SMARCA4: variants seen among roughly 807,000 people sequenced by gnomAD.
SMARCA4 encodes the protein SWI/SNF related BAF chromatin remodeling complex subunit ATPase 4.
A neutral mutation model predicts 193.9 loss-of-function variants in SMARCA4; 31 were observed. The observed-to-expected ratio is 0.16, with a 90% CI of 0.12 to 0.22. SMARCA4 has a LOEUF of 0.22. SMARCA4 is among the 10% of genes least tolerant of loss of function. SMARCA4 has a pLI of 1.00. For missense variants in SMARCA4, 1,148 were observed against 2,296.0 expected, an observed-to-expected ratio of 0.50 and a Z score of 10.22; for synonymous variants, 942 against 933.1, an observed-to-expected ratio of 1.01 and a Z score of -0.17.
chr19:11,022,063 T>A, intron 19 of SMARCA4, 96 bp downstream of exon 19: 1 of 1,559,894 alleles, frequency 6.4e-7, no homozygotes, highest in Non-Finnish European at 8.8e-7. Context: ...TGGCTGGGCC[T>A]GTGCTGGGTG....
Position 11,058,492 on chromosome 19 carries a change from C to T in SMARCA4, c.4533+129C>T. The T allele has an allele frequency of 1.3e-6, 1 of 752,746 alleles. No homozygotes were observed. Among genetic ancestry groups the T allele is most frequent in the Non-Finnish European group, 2.3e-6 (1 of 429,122 alleles). 46.6% of individuals were successfully genotyped at this position (752,746 alleles called of 1,614,324 possible). A position where few individuals can be genotyped will look rare whatever the true frequency, so the allele number is the denominator to read the frequency against. ...ACCACCTAGGCGGTGCCTTGGGCTA[C>T]CTGGTTAGGGACCTGGTCGTGGGCT... On this transcript the variant is annotated intron_variant, in intron 31 of 34. Coordinates refer to ENST00000344626, the MANE Select transcript of SMARCA4 (RefSeq NM_003072.5). This position sits in a 1 kb window ranked among gnomAD's most constrained non-coding sequence, Gnocchi z 5.8.
intron 19 of SMARCA4, among the ~76,000 whole-genome samples, chr19:11,022,383 C>T (rs537637273): frequency 3.9e-5 from 6 of 152,292 alleles, no homozygotes; most frequent in African/African-American, 9.6e-5. Flanking sequence ...TTAGCGGGGC[C>T]ACATGGTCAG....
Position 11,023,140 on chromosome 19 carries a change from G to T in SMARCA4, c.2860-378G>T, listed in dbSNP as rs2146445510. 1.3e-5 allele frequency among the ~76,000 whole-genome samples: 2 copies of T among 152,286 alleles called. 1 individual carries two copies. Among genetic ancestry groups the T allele is most frequent in the South Asian group, 4.1e-4 (2 of 4,826 alleles). On this transcript the variant is annotated intron_variant, in intron 19 of 34. Coordinates refer to ENST00000344626, the MANE Select transcript of SMARCA4 (RefSeq NM_003072.5). ...GCTATAAGCCCCATGTGGTCAGCCTGGCCCCTGCAGCGCTCCTGGCATGAG... is the reference window on the plus strand; with the variant it reads ...GCTATAAGCCCCATGTGGTCAGCCTTGCCCCTGCAGCGCTCCTGGCATGAG...
At chr19:10,988,051 C>T (rs1180206557) in intron 6 of SMARCA4, 127 bp downstream of exon 6, 17 of 914,416 alleles carry the variant, frequency 1.9e-5, no homozygotes, top group Non-Finnish European at 2.6e-5. Context: ...ACTTGGCCTA[C>T]ACCTCCTTCC....
In SMARCA4 at chr19:11,019,003, G is replaced by C. The variant is rs1338927115; in HGVS notation, c.2485G>C (p.Val829Leu). Residue 829 changes from valine (V) to leucine (L), a missense_variant, in exon 17 of 35, where the codon GTG (valine) becomes CTG (leucine). This residue lies in a region of SMARCA4 where 54 missense variants were observed against 123.3 expected (regional missense o/e 0.44). Coordinates refer to ENST00000344626, the MANE Select transcript of SMARCA4 (RefSeq NM_003072.5). The surrounding 1 kb of genome is among the most constrained non-coding windows in gnomAD (Gnocchi z 6.1). ...AYEFDKWAPS[V>L]VKVSYKGSPA... ...CGAGTTTGACAAGTGGGCCCCCTCC[G>C]TGGTGAAGGTGTCTTACAAGGTAGG... 1.2e-6 allele frequency: 2 copies of C among 1,613,934 alleles called. No individual in the cohort carries two copies. The highest frequency in any genetic ancestry group is 1.7e-6 in the Non-Finnish European group (2 of 1,179,864).
chr19:10,998,298 C>T (rs903201786), intron 11 of SMARCA4, among the ~76,000 whole-genome samples: 6 of 152,176 alleles, frequency 3.9e-5, no homozygotes, highest in African/African-American at 1.4e-4. Flanking sequence ...CCCTGAGTCC[C>T]TCTCAGGGTG....
At chr19:10,970,168 G>A (rs1481578944) in intron 1 of SMARCA4, among the ~76,000 whole-genome samples, 1 of 152,142 alleles carries the variant, frequency 6.6e-6, no homozygotes, top group African/African-American at 2.4e-5. Flanking sequence ...AAGACCAAGT[G>A]CTTAGAGGGT....
rs1057523990 is a variant in SMARCA4, at chr19:11,059,781, C to G, written c.4664C>G (p.Ser1555Trp). ...TATGAAGACTCCATCGTCTTGCAGT[C>G]GGTCTTCACCAGCGTGCGGCAGAAA... is the stretch of plus-strand genomic sequence containing the variant. ...LIYEDSIVLQ[S>W]VFTSVRQKIE... Residue 1555 changes from serine (S) to tryptophan (W), a missense_variant, in exon 33 of 35, where the codon TCG (serine) becomes TGG (tryptophan). By Grantham distance (177) the Ser-to-Trp change is radical. This residue lies in a region of SMARCA4 where 105 missense variants were observed against 133.7 expected (regional missense o/e 0.79). Transcript: ENST00000344626. The G allele has an allele frequency of 6.3e-7, 1 of 1,596,736 alleles. No individual in the cohort carries two copies. Among genetic ancestry groups the G allele is most frequent in the Non-Finnish European group, 8.5e-7 (1 of 1,171,978 alleles).
rs73925104 is a variant in SMARCA4 at position 11,038,044 on chromosome 19, G to T, written c.4170+2912G>T. 3.3e-3 allele frequency among the ~76,000 whole-genome samples: 507 copies of T among 152,340 alleles called. 6 individuals are homozygous for T. Among genetic ancestry groups the T allele is most frequent in the African/African-American group, 0.011 (470 of 41,578 alleles). On this transcript the variant is annotated intron_variant, in intron 29 of 34. Transcript: ENST00000344626. ...CAAGTGAACTCAAAGCCTTCAAAATGCTCCTATGGCCGCCATCGGACATGG... is the reference window on the plus strand; with the variant it reads ...CAAGTGAACTCAAAGCCTTCAAAATTCTCCTATGGCCGCCATCGGACATGG...
intron 1 of SMARCA4, among the ~76,000 whole-genome samples, chr19:10,981,153 C>T (rs573759495): frequency 6.6e-6 from 1 of 152,358 alleles, no homozygotes; most frequent in Admixed American, 6.5e-5. Context: ...GGCAGTCCTG[C>T]TGTCCCTTTT....
intron 7 of SMARCA4, among the ~76,000 whole-genome samples, chr19:10,990,391 A>C (rs1454645398): frequency 6.8e-6 from 1 of 147,686 alleles, no homozygotes; most frequent in African/African-American, 2.5e-5. Flanking sequence ...TGATTCTCCC[A>C]CCTCAGCCTC....
In SMARCA4 at chr19:10,984,539, G is replaced by C. The variant is rs1360316903; in HGVS notation, c.222+166G>C. On this transcript the variant is annotated intron_variant, in intron 2 of 34. Transcript: ENST00000344626. The surrounding 1 kb of genome is among the most constrained non-coding windows in gnomAD (Gnocchi z 4.3). Reference sequence around the variant, plus strand: ...CCAGGGCCCACGGCCATGAACAGAAGGTTCAGCTCGTCAGACCCCAGCCTG... The same window carrying C: ...CCAGGGCCCACGGCCATGAACAGAACGTTCAGCTCGTCAGACCCCAGCCTG... Among the ~76,000 whole-genome samples the C allele has an allele frequency of 6.6e-6, 1 of 152,250 alleles. No individual in the cohort carries two copies. The highest frequency in any genetic ancestry group is 2.4e-5 in the African/African-American group (1 of 41,482).
rs960893176 is a variant in SMARCA4 at position 10,996,496 on chromosome 19, G to A, written c.1764G>A (p.Lys588=). The A allele has an allele frequency of 1.2e-6, 2 of 1,614,260 alleles. No homozygotes were observed. ...KEKKKKKKKK[K]AENAEGQTPA... is the part of the protein sequence containing the mutation. The stretch of plus-strand genomic sequence containing the variant: ...ACCGTGTCTCTCTCTATTTCCAGAA[G>A]GCAGAAAATGCAGAAGGACAGACGC... Residue 588 remains lysine (K), a splice_region_variant and synonymous_variant, in exon 11 of 35, where the codon AAG becomes AAA. Coordinates refer to ENST00000344626, the MANE Select transcript of SMARCA4 (RefSeq NM_003072.5).
chr19:10,968,266 G>A (rs2084393756), intron 1 of SMARCA4, among the ~76,000 whole-genome samples: 1 of 152,184 alleles, frequency 6.6e-6, no homozygotes, highest in South Asian at 2.1e-4. Context: ...GAGATTACAG[G>A]CATGAGCCAC....
At chr19:11,045,192 C>T (rs1258981213) in intron 30 of SMARCA4, among the ~76,000 whole-genome samples, 4 of 152,044 alleles carry the variant, frequency 2.6e-5, no homozygotes, top group Admixed American at 6.5e-5. Flanking sequence ...TGGTGGTGGG[C>T]GCCTGTAGTC....
At chr19:10,997,661 G>T (rs1384395054) in intron 11 of SMARCA4, among the ~76,000 whole-genome samples, 4 of 151,946 alleles carry the variant, frequency 2.6e-5, no homozygotes, top group African/African-American at 4.8e-5. Flanking sequence ...AGAGACGGGG[G>T]TTCCATATGT....
chr19:10,968,715 G>A (rs994343034), intron 1 of SMARCA4, among the ~76,000 whole-genome samples: 2 of 152,192 alleles, frequency 1.3e-5, no homozygotes, highest in African/African-American at 4.8e-5. Context: ...GAAGCAGGTG[G>A]CTGATGTGAC....
At chr19:11,049,401 A>G (rs893469948) in intron 30 of SMARCA4, among the ~76,000 whole-genome samples, 2 of 152,000 alleles carry the variant, frequency 1.3e-5, no homozygotes, top group Non-Finnish European at 2.9e-5. Context: ...CAGAACATGC[A>G]GAAACGTTCT....
intron 13 of SMARCA4, among the ~76,000 whole-genome samples, chr19:11,005,660 A>G (rs1172216796): frequency 1.3e-5 from 2 of 152,054 alleles, no homozygotes; most frequent in Non-Finnish European, 2.9e-5. Context: ...GCTTCCTTCT[A>G]CAAGTGACTG....
Sources: allele counts gnomAD v4.1 joint callset (sites outside exome capture counted in the v4.1 genomes callset), GRCh38; gene constraint gnomAD v4.1.1; regional missense constraint gnomAD v4.1.1; non-coding constraint Gnocchi (gnomAD v3.1); transcripts MANE v1.5; gene names NCBI Gene and HGNC (gene_info 2026-07-23, HGNC 2026-07-21).